Variants in GRIP1 observed in about 807,000 individuals in gnomAD.
GRIP1 encodes glutamate receptor interacting protein 1.
Under a neutral mutation model 129.9 loss-of-function variants are expected in GRIP1, and 45 were observed. The ratio of observed to expected loss-of-function variants is 0.35; its 90% CI spans 0.27 to 0.44. GRIP1 has a LOEUF of 0.44. Among genes scored for constraint, GRIP1 ranks in the 20% least tolerant of loss-of-function variants. The pLI, the probability that GRIP1 is intolerant of heterozygous loss-of-function variation, is 1.00. For missense variants in GRIP1, 1,196 were observed against 1,396.8 expected, an observed-to-expected ratio of 0.86 and a Z score of 2.29; for synonymous variants, 530 against 520.8, an observed-to-expected ratio of 1.02 and a Z score of -0.24.
chr12:67,050,558 C>G (rs974791790), intron 1 of GRIP1, among the ~76,000 whole-genome samples: 1 of 152,140 alleles, frequency 6.6e-6, no homozygotes, highest in Non-Finnish European at 1.5e-5. Context: ...TAGAATAACA[C>G]TACAGAACGG....
At chr12:66,833,640 T>G (rs1263629295) in intron 1 of GRIP1, among the ~76,000 whole-genome samples, 1 of 152,298 alleles carries the variant, frequency 6.6e-6, no homozygotes, top group South Asian at 2.1e-4. Flanking sequence ...TGGACCCTTA[T>G]CACCAACTTC....
intron 1 of GRIP1, among the ~76,000 whole-genome samples, chr12:66,658,361 C>T (rs1189769720): frequency 1.3e-5 from 2 of 152,204 alleles, no homozygotes; most frequent in East Asian, 1.9e-4. Flanking sequence ...AAGTAAAGTA[C>T]GGTAGTAATT....
intron 1 of GRIP1, among the ~76,000 whole-genome samples, chr12:66,662,837 C>T (rs186151970): frequency 2.7e-4 from 41 of 152,282 alleles, no homozygotes; most frequent in Admixed American, 7.8e-4. Flanking sequence ...CCTTCCTGAT[C>T]TCATTGAGAT....
chr12:66,351,335 T>C (rs1287997403), intron 24 of GRIP1, among the ~76,000 whole-genome samples: 1 of 152,176 alleles, frequency 6.6e-6, no homozygotes, highest in Non-Finnish European at 1.5e-5. Flanking sequence ...TCCCAAAAAC[T>C]GTACATAAGA....
chr12:66,843,039 T>C (rs990254985), intron 1 of GRIP1, among the ~76,000 whole-genome samples: 7 of 152,084 alleles, frequency 4.6e-5, no homozygotes, highest in African/African-American at 1.7e-4. Flanking sequence ...ACTAAAATTG[T>C]CAAGAAAACA....
intron 1 of GRIP1, among the ~76,000 whole-genome samples, chr12:66,929,893 G>A (rs944963497): frequency 6.6e-6 from 1 of 152,030 alleles, no homozygotes; most frequent in Non-Finnish European, 1.5e-5. Context: ...ACTATTTTAT[G>A]AGTATCCTAC....
intron 1 of GRIP1, among the ~76,000 whole-genome samples, chr12:66,868,203 G>T (rs980227390): frequency 2.6e-5 from 4 of 151,956 alleles, no homozygotes; most frequent in Non-Finnish European, 5.9e-5. Context: ...GAAGACCAAG[G>T]GGGAAATGCA....
intron 1 of GRIP1, among the ~76,000 whole-genome samples, chr12:66,857,315 G>T (rs1374078357): frequency 6.6e-6 from 1 of 152,012 alleles, no homozygotes; most frequent in Admixed American, 6.6e-5. Context: ...CCTGCACGTT[G>T]TGCACATGTA....
At chr12:66,748,968 G>T (rs866790834) in intron 1 of GRIP1, among the ~76,000 whole-genome samples, 5 of 152,070 alleles carry the variant, frequency 3.3e-5, no homozygotes, top group African/African-American at 4.8e-5. Context: ...ACAATAGACA[G>T]ACAGATCACT....
chr12:66,470,360 C>T (rs1203117871), intron 7 of GRIP1, among the ~76,000 whole-genome samples: 4 of 151,984 alleles, frequency 2.6e-5, no homozygotes, highest in Admixed American at 2.0e-4. Flanking sequence ...TGCTGTCAGC[C>T]GCTGCTACAG....
intron 7 of GRIP1, among the ~76,000 whole-genome samples, chr12:66,482,838 A>G (rs1200030999): frequency 6.6e-6 from 1 of 152,218 alleles, no homozygotes; most frequent in African/African-American, 2.4e-5. Context: ...ATCCCTAGAC[A>G]GAAGATTAGT....
chr12:66,613,260 C>G (rs984515030), intron 1 of GRIP1, among the ~76,000 whole-genome samples: 1 of 152,116 alleles, frequency 6.6e-6, no homozygotes, highest in African/African-American at 2.4e-5. Flanking sequence ...ACTAATGCTC[C>G]TTATAAAGGT....
At chr12:66,574,806 G>A (rs1198499589) in intron 2 of GRIP1, among the ~76,000 whole-genome samples, 18 of 87,036 alleles carry the variant, frequency 2.1e-4, no homozygotes, top group Admixed American at 1.0e-3. Context: ...TTTTTTAGAC[G>A]GAGTCTCGCT....
intron 1 of GRIP1, among the ~76,000 whole-genome samples, chr12:66,696,583 G>A (rs370401714): frequency 4.7e-4 from 72 of 151,844 alleles, no homozygotes; most frequent in African/African-American, 1.6e-3. Flanking sequence ...TCAGGAGATC[G>A]AGACCATTCT....
chr12:66,684,291 G>T (rs1051144721), intron 1 of GRIP1, among the ~76,000 whole-genome samples: 23 of 152,204 alleles, frequency 1.5e-4, no homozygotes, highest in Admixed American at 6.5e-4. Context: ...GGATTAACAA[G>T]TAAAACGCAC....
At chr12:66,937,096 T>C (rs1592366292) in intron 1 of GRIP1, among the ~76,000 whole-genome samples, 2 of 152,226 alleles carry the variant, frequency 1.3e-5, no homozygotes, top group Admixed American at 1.3e-4. Flanking sequence ...AGCTTGAAGG[T>C]AGATTTGAGG....
At chr12:66,420,813 T>A in intron 14 of GRIP1, 24 bp from the exon 15 acceptor site, 2 of 1,307,578 alleles carry the variant, frequency 1.5e-6, no homozygotes, top group Admixed American at 1.7e-5. Context: ...GATAGAATAA[T>A]CACATCTTTA....
At chr12:66,660,217 A>C (rs1406192840) in intron 1 of GRIP1, among the ~76,000 whole-genome samples, 1 of 152,192 alleles carries the variant, frequency 6.6e-6, no homozygotes, top group Non-Finnish European at 1.5e-5. Flanking sequence ...TTTGGCTATT[A>C]AAATGGTCTA....
At chr12:66,607,657 G>T (rs1318864059) in intron 1 of GRIP1, among the ~76,000 whole-genome samples, 3 of 152,124 alleles carry the variant, frequency 2.0e-5, no homozygotes, top group Non-Finnish European at 2.9e-5. Context: ...CTTACCCTCT[G>T]GCTCTCCAGG....
Sources: allele counts gnomAD v4.1 joint callset (sites outside exome capture counted in the v4.1 genomes callset), GRCh38; gene constraint gnomAD v4.1.1; transcripts MANE v1.5; gene names NCBI Gene and HGNC (gene_info 2026-07-23, HGNC 2026-07-21).